The following SORCS1 variants were observed in gnomAD, a reference collection of about 807,000 sequenced individuals.
SORCS1 encodes VPS10 domain-containing receptor SorCS1.
In SORCS1, 60 loss-of-function variants were observed where a neutral mutation model predicts 146.1. The observed-to-expected ratio is 0.41, with a 90% confidence interval of 0.33 to 0.51. The LOEUF is 0.51. Ranked by LOEUF, SORCS1 falls within the 20% of genes least tolerant of loss-of-function variation. SORCS1 has a pLI of 0.21. For synonymous variants in SORCS1, 637 were observed against 584.0 expected (o/e 1.09, Z -1.31); for missense variants, 1,352 against 1,487.6 (o/e 0.91, Z 1.50).
chr10:107,138,195 AC>A (rs993983317), intron 1 of SORCS1, among the ~76,000 whole-genome samples: 1 of 151,992 alleles, frequency 6.6e-6, no homozygotes, highest in African/African-American at 2.4e-5. Flanking sequence ...TGATCTCTCC[AC>A]CCCTTAAATC....
intron 21 of SORCS1, among the ~76,000 whole-genome samples, chr10:106,613,412 C>T (rs1332302075): frequency 2.6e-5 from 4 of 152,156 alleles, no homozygotes; most frequent in African/African-American, 4.8e-5. Flanking sequence ...TTCAGTAAGC[C>T]TGTTCAGGAG....
chr10:106,999,381 G>A (rs1021411876), intron 1 of SORCS1, among the ~76,000 whole-genome samples: 11 of 152,170 alleles, frequency 7.2e-5, no homozygotes, highest in African/African-American at 2.2e-4. Context: ...TACTCTGACA[G>A]TTTTGCATCT....
At position 107,164,253 on chromosome 10, in the gene SORCS1, C is replaced by T. The variant is rs992204555; in HGVS notation, c.274G>A (p.Ala92Thr). 6.2e-7 allele frequency: 1 copy of T among 1,605,738 alleles called. No homozygotes were observed. Among genetic ancestry groups the T allele is most frequent in the East Asian group, 2.2e-5 (1 of 44,788 alleles). ...PGDRALSLER[A>T]RGTGASMAVA... The stretch of plus-strand genomic sequence containing the variant: ...GCCATGGATGCCCCAGTGCCCCGAG[C>T]CCGCTCCAGGGATAGCGCTCGGTCC... Residue 92 changes from alanine (A) to threonine (T), a missense_variant, in exon 1 of 26, where the codon GCT becomes ACT. Coordinates refer to ENST00000263054, the MANE Select transcript of SORCS1 (RefSeq NM_052918.5). This position sits in a 1 kb window ranked among gnomAD's most constrained non-coding sequence, Gnocchi z 6.8.
At chr10:106,586,366 C>T (rs536838088) in intron 24 of SORCS1, among the ~76,000 whole-genome samples, 11 of 152,232 alleles carry the variant, frequency 7.2e-5, no homozygotes, top group Admixed American at 2.0e-4. Context: ...TATGTTCTGG[C>T]ATCTTGTCTG....
chr10:106,697,714 T>C (rs1284003143), intron 9 of SORCS1, among the ~76,000 whole-genome samples: 1 of 152,158 alleles, frequency 6.6e-6, no homozygotes, highest in South Asian at 2.1e-4. Context: ...AAAAATCACA[T>C]CTAGTAGGTT....
chr10:106,949,395 G>A (rs551982673), intron 2 of SORCS1, among the ~76,000 whole-genome samples: 10 of 152,210 alleles, frequency 6.6e-5, no homozygotes, highest in African/African-American at 9.6e-5. Flanking sequence ...GAAGGGAGGC[G>A]TTGGGACTCA....
Position 106,611,954 on chromosome 10 carries a change from C to T in SORCS1, c.2990G>A (p.Trp997Ter). Residue 997 changes from tryptophan to a stop codon, truncating the protein, a stop_gained, in exon 22 of 26, where the codon TGG becomes TAG. Transcript: ENST00000263054. LOFTEE classifies it high-confidence loss of function. ...GATGACTCGACCGATGTCCCTCCTC[C>T]ACTCAGGGATGTCCGGGTTGTAGTC... is the stretch of plus-strand genomic sequence containing the variant. ...LDDYNPDIPE[W>*]RRDIGRVIKK... 1 of 1,614,126 alleles carries T rather than the reference C, an allele frequency of 6.2e-7. No homozygotes were observed. The highest frequency in any genetic ancestry group is 8.5e-7 in the Non-Finnish European group (1 of 1,179,986).
chr10:106,746,639 T>C (rs1233106581), intron 5 of SORCS1, among the ~76,000 whole-genome samples: 1 of 152,262 alleles, frequency 6.6e-6, no homozygotes, highest in Non-Finnish European at 1.5e-5. Context: ...ATTTCTGGGA[T>C]GTTTTTATTT....
chr10:106,937,235 T>G (rs1180257603), intron 2 of SORCS1, among the ~76,000 whole-genome samples: 1 of 151,240 alleles, frequency 6.6e-6, no homozygotes, highest in Non-Finnish European at 1.5e-5. Context: ...AGTGACATGG[T>G]CTCAGCTCAC....
intron 2 of SORCS1, among the ~76,000 whole-genome samples, chr10:106,840,859 A>ATTT (rs1473969372): frequency 2.8e-5 from 3 of 106,764 alleles, no homozygotes; most frequent in African/African-American, 1.1e-4. Flanking sequence ...ATATATATAT[A>ATTT]TATATTTTTT....
chr10:107,131,284 T>C (rs750940312), intron 1 of SORCS1, among the ~76,000 whole-genome samples: 6 of 152,218 alleles, frequency 3.9e-5, no homozygotes, highest in Admixed American at 6.5e-5. Context: ...TTCTGCCTTA[T>C]CCTCTGACCC....
intron 2 of SORCS1, among the ~76,000 whole-genome samples, chr10:106,897,381 T>G (rs1421940202): frequency 2.0e-5 from 3 of 152,188 alleles, no homozygotes; most frequent in Admixed American, 2.0e-4. Flanking sequence ...TTTTTAGAAT[T>G]TATTGTCCAT....
chr10:107,030,040 C>T (rs1250454863), intron 1 of SORCS1, among the ~76,000 whole-genome samples: 3 of 152,186 alleles, frequency 2.0e-5, no homozygotes, highest in East Asian at 1.9e-4. Context: ...AGTGCCATGT[C>T]GCACAATAAC....
At chr10:107,154,324 T>C (rs1238151505) in intron 1 of SORCS1, among the ~76,000 whole-genome samples, 1 of 152,152 alleles carries the variant, frequency 6.6e-6, no homozygotes, top group African/African-American at 2.4e-5. Flanking sequence ...TTCTAGGGAC[T>C]TGGGATATAT....
intron 24 of SORCS1, among the ~76,000 whole-genome samples, chr10:106,580,513 G>C (rs1032916092): frequency 2.0e-5 from 3 of 152,124 alleles, no homozygotes; most frequent in Non-Finnish European, 2.9e-5. Flanking sequence ...AGTGCAGCTC[G>C]TGCATAAAAG....
chr10:106,577,186 G>A lies in SORCS1; in HGVS notation c.*234C>T. ...TTGTTTATATTTTATGTTTTGTTTT[G>A]TTTTTGTTTTTGTTTTTTTACTGGC... On this transcript the variant is annotated 3_prime_UTR_variant, in exon 26 of 26. Transcript: ENST00000263054. The A allele has an allele frequency of 6.8e-7, 1 of 1,469,752 alleles. No individual in the cohort carries two copies. Among genetic ancestry groups the A allele is most frequent in the South Asian group, 1.2e-5 (1 of 84,188 alleles). 91.0% of individuals were successfully genotyped at this position (1,469,752 alleles called of 1,614,324 possible). A position where few individuals can be genotyped will look rare whatever the true frequency, so the allele number is the denominator to read the frequency against.
chr10:106,824,212 A>T lies in SORCS1; in HGVS notation c.726+5362T>A, dbSNP rs1209274525. ...CCAGCTACTCAGGAGGCTGAGGCAGAAGGATTGCTTCAACTCAGGAGGCGG... is the reference window on the plus strand; with the variant it reads ...CCAGCTACTCAGGAGGCTGAGGCAGTAGGATTGCTTCAACTCAGGAGGCGG... On this transcript the variant is annotated intron_variant, in intron 3 of 25. Transcript: ENST00000263054. Among the ~76,000 whole-genome samples, 3 of 151,772 alleles carry T rather than the reference A, an allele frequency of 2.0e-5. No individual in the cohort carries two copies. In the East Asian group the frequency reaches 5.8e-4, roughly 30 times the overall value.
At chr10:106,621,154 G>A (rs1464523870) in intron 19 of SORCS1, among the ~76,000 whole-genome samples, 1 of 152,192 alleles carries the variant, frequency 6.6e-6, no homozygotes, top group Non-Finnish European at 1.5e-5. Flanking sequence ...AGTAGATAGA[G>A]AGCTCTGTGG....
chr10:106,640,099 A>G (rs549984339), intron 18 of SORCS1, among the ~76,000 whole-genome samples: 20 of 152,294 alleles, frequency 1.3e-4, no homozygotes, highest in Admixed American at 1.2e-3. Context: ...AAAGGCTCCA[A>G]ATAGCCTTTT....
Sources: gnomAD v4.1 joint callset for allele counts (sites outside exome capture counted in the v4.1 genomes callset) on GRCh38, gnomAD v4.1.1 for gene constraint, Gnocchi (gnomAD v3.1) non-coding constraint, MANE v1.5 for transcripts, NCBI Gene and HGNC (gene_info 2026-07-23, HGNC 2026-07-21) for gene names.